Variants in ATRX observed in about 807,000 individuals in gnomAD.
The protein encoded by ATRX is chromatin remodeler ATRX.
In ATRX, 12 loss-of-function variants were observed where a neutral mutation model predicts 172.6. The ratio of observed to expected loss-of-function variants is 0.07; its 90% CI spans 0.04 to 0.11. ATRX has a LOEUF of 0.11. Among genes scored for constraint, ATRX ranks in the 10% least tolerant of loss-of-function variants. The probability of loss-of-function intolerance (pLI) is 1.00; values close to 1 mark genes in which losing one functional copy is unlikely to be tolerated. For synonymous variants in ATRX, 674 were observed against 594.7 expected (o/e 1.13, Z -1.94); for missense variants, 1,368 against 1,767.4 (o/e 0.77, Z 4.05).
intron 1 of ATRX, among the ~76,000 whole-genome samples, chrX:77,738,352 A>G (rs2074694031): frequency 9.4e-6 from 1 of 106,709 alleles, no homozygotes; most frequent in East Asian, 2.9e-4. Flanking sequence ...AAAAAAAACA[A>G]TAAATAATAA....
chrX:77,590,715 G>A (rs1160546492), intron 26 of ATRX, among the ~76,000 whole-genome samples: 1 of 108,709 alleles, frequency 9.2e-6, no homozygotes, highest in Non-Finnish European at 1.9e-5. Flanking sequence ...ATGAAAAAAA[G>A]TGAACTTCAA....
chrX:77,746,945 C>G (rs1468277261), intron 1 of ATRX, among the ~76,000 whole-genome samples: 2 of 110,204 alleles, frequency 1.8e-5, no homozygotes, highest in African/African-American at 6.6e-5. Context: ...AGACTACAGG[C>G]GCACACCACC....
chrX:77,535,669 G>A (rs1557048124), intron 30 of ATRX, among the ~76,000 whole-genome samples: 1 of 111,275 alleles, frequency 9.0e-6, no homozygotes, highest in African/African-American at 3.3e-5. Flanking sequence ...ATGTAAAAAG[G>A]AAACAGAAGA....
chrX:77,509,011 G>C (rs781988030), intron 34 of ATRX, among the ~76,000 whole-genome samples: 44 of 112,054 alleles, frequency 3.9e-4, no homozygotes, highest in African/African-American at 1.4e-3. Flanking sequence ...AAACACCAAA[G>C]GGAAAGGCAC....
intron 22 of ATRX, chrX:77,615,975 T>C (rs1233511050): frequency 2.7e-6 from 2 of 751,828 alleles, no homozygotes; most frequent in Non-Finnish European, 3.1e-6. Context: ...TAGGTTTTGT[T>C]GTGTGAAGAC....
chrX:77,745,809 G>C (rs989802923), intron 1 of ATRX, among the ~76,000 whole-genome samples: 3 of 111,483 alleles, frequency 2.7e-5, no homozygotes, highest in African/African-American at 9.8e-5. Flanking sequence ...CACCAAGAAA[G>C]GATAAATGCT....
chrX:77,547,119 G>A (rs1602479020), intron 30 of ATRX, among the ~76,000 whole-genome samples: 1 of 111,555 alleles, frequency 9.0e-6, no homozygotes, highest in East Asian at 2.8e-4. Context: ...TATTAAATGA[G>A]CATTTATTAA....
At chrX:77,557,394 A>G in intron 30 of ATRX, 57 bp downstream of exon 30, 1 of 1,079,028 alleles carries the variant, frequency 9.3e-7, no homozygotes, top group Non-Finnish European at 1.3e-6. Context: ...TGATATCAGT[A>G]GTAAAATTTC....
chrX:77,780,297 T>TA (rs2076524100), intron 1 of ATRX, among the ~76,000 whole-genome samples: 1 of 111,193 alleles, frequency 9.0e-6, no homozygotes, highest in Non-Finnish European at 1.9e-5. Context: ...GAGAAAATGA[T>TA]AAACACTCAT....
intron 28 of ATRX, 98 bp from the exon 29 acceptor site, chrX:77,558,944 A>G (rs2064905142): frequency 1.5e-6 from 1 of 672,755 alleles, no homozygotes; most frequent in Non-Finnish European, 2.3e-6. Flanking sequence ...TTTTTTAACT[A>G]TCAAGAGTTC....
chrX:77,515,420 G>A (rs369941326), intron 34 of ATRX, among the ~76,000 whole-genome samples: 1 of 110,196 alleles, frequency 9.1e-6, no homozygotes, highest in African/African-American at 3.3e-5. Flanking sequence ...AGTTCAGGAG[G>A]GGTGAAAAAA....
Position 77,525,760 on chromosome X carries a change from CGTGT to C in ATRX, c.6700-2363_6700-2360del, listed in dbSNP as rs45622235. Among the ~76,000 whole-genome samples, 328 of 112,124 alleles carry C rather than the reference CGTGT, an allele frequency of 2.9e-3. 2 individuals are homozygous for C. Among genetic ancestry groups the C allele is most frequent in the African/African-American group, 0.01 (314 of 30,908 alleles). On this transcript the variant is annotated intron_variant, in intron 30 of 34. Coordinates refer to ENST00000373344, the MANE Select transcript of ATRX (RefSeq NM_000489.6). The stretch of plus-strand genomic sequence containing the variant: ...GGATGATACACACATTCTCTGCTCA[CGTGT>C]GTAACAGGATGATATGAAAATACCA...
At chrX:77,606,267 T>C (rs2066898712) in intron 22 of ATRX, among the ~76,000 whole-genome samples, 1 of 110,619 alleles carries the variant, frequency 9.0e-6, no homozygotes, top group Non-Finnish European at 1.9e-5. Flanking sequence ...AAACATATTA[T>C]GGCATGTAAA....
At chrX:77,639,990 T>C (rs782585655) in intron 15 of ATRX, among the ~76,000 whole-genome samples, 1 of 112,302 alleles carries the variant, frequency 8.9e-6, no homozygotes, top group Non-Finnish European at 1.9e-5. Context: ...CACCACGGAA[T>C]ACTATGCAGC....
chrX:77,782,960 G>A (rs2076617291), intron 1 of ATRX, among the ~76,000 whole-genome samples: 1 of 110,524 alleles, frequency 9.0e-6, no homozygotes, highest in Non-Finnish European at 1.9e-5. Context: ...AGAGCCAGGC[G>A]CGGTGGATCA....
intron 27 of ATRX, among the ~76,000 whole-genome samples, chrX:77,578,509 C>T (rs1557071893): frequency 8.9e-6 from 1 of 112,181 alleles, no homozygotes; most frequent in African/African-American, 3.2e-5. Context: ...AATCGTGAAG[C>T]CCCCATTCCA....
At chrX:77,667,530 A>T (rs979361139) in intron 10 of ATRX, among the ~76,000 whole-genome samples, 7 of 111,142 alleles carry the variant, frequency 6.3e-5, no homozygotes, top group African/African-American at 2.3e-4. Flanking sequence ...GTTCAAAAAA[A>T]GTCTTTAAAA....
At chrX:77,739,165 A>T (rs1385212848) in intron 1 of ATRX, among the ~76,000 whole-genome samples, 1 of 110,030 alleles carries the variant, frequency 9.1e-6, no homozygotes. Context: ...GAGTCCCCAA[A>T]AGCCACTGTG....
chrX:77,621,491 T>C (rs944405351), intron 19 of ATRX, among the ~76,000 whole-genome samples: 1 of 110,965 alleles, frequency 9.0e-6, no homozygotes, highest in Admixed American at 9.6e-5. Flanking sequence ...TTTGCATTTT[T>C]AGTAAAGACG....
Sources: gnomAD v4.1 joint callset for allele counts (sites outside exome capture counted in the v4.1 genomes callset) on GRCh38, gnomAD v4.1.1 for gene constraint, MANE v1.5 for transcripts, NCBI Gene and HGNC (gene_info 2026-07-23, HGNC 2026-07-21) for gene names.